PID1: variants seen among roughly 807,000 people sequenced by gnomAD.
The protein encoded by PID1 is phosphotyrosine interaction domain containing 1.
PID1 carries 10 observed loss-of-function variants against 19.1 expected under a neutral mutation model. The observed-to-expected ratio is 0.52, with a 90% CI of 0.32 to 0.89. PID1 has a LOEUF of 0.89. Among genes scored for constraint, PID1 ranks in the 40% least tolerant of loss-of-function variants. The pLI is 0.03. For missense variants in PID1, 248 were observed against 285.3 expected, an observed-to-expected ratio of 0.87 and a Z score of 0.94; for synonymous variants, 130 against 116.0, an observed-to-expected ratio of 1.12 and a Z score of -0.78.
intron 1 of PID1, among the ~76,000 whole-genome samples, chr2:229,254,229 C>CA (rs1440513805): frequency 6.6e-6 from 1 of 152,016 alleles, no homozygotes; most frequent in African/African-American, 2.4e-5. Context: ...TTCCCCAAAG[C>CA]AAAATCAGGG....
chr2:229,075,436 C>T (rs1694538381), intron 2 of PID1, among the ~76,000 whole-genome samples: 1 of 152,202 alleles, frequency 6.6e-6, no homozygotes, highest in Non-Finnish European at 1.5e-5. Flanking sequence ...ATGCCCACCA[C>T]ATATCAGTGA....
chr2:229,109,157 T>C (rs1280955244), intron 2 of PID1, among the ~76,000 whole-genome samples: 1 of 152,198 alleles, frequency 6.6e-6, no homozygotes, highest in Non-Finnish European at 1.5e-5. Flanking sequence ...AGACATTTTC[T>C]GCTGAAAAAC....
intron 2 of PID1, among the ~76,000 whole-genome samples, chr2:229,026,451 C>T (rs1030215931): frequency 2.6e-5 from 4 of 152,142 alleles, no homozygotes; most frequent in Non-Finnish European, 4.4e-5. Flanking sequence ...CATAAAGTCA[C>T]TCAAAGTTTA....
intron 1 of PID1, among the ~76,000 whole-genome samples, chr2:229,221,231 T>C (rs1157191471): frequency 6.6e-6 from 1 of 152,206 alleles, no homozygotes; most frequent in Non-Finnish European, 1.5e-5. Flanking sequence ...GTATCAGGCA[T>C]AGTGGGATAG....
chr2:229,058,825 C>T (rs1694155843), intron 2 of PID1, among the ~76,000 whole-genome samples: 1 of 150,578 alleles, frequency 6.6e-6, no homozygotes, highest in South Asian at 2.1e-4. Context: ...ATTTGTCAAC[C>T]ATGAAATATG....
chr2:229,111,222 G>C (rs919319300), intron 2 of PID1, among the ~76,000 whole-genome samples: 1 of 152,114 alleles, frequency 6.6e-6, no homozygotes, highest in Non-Finnish European at 1.5e-5. Context: ...TTAGCAGTGA[G>C]AATGGACTAA....
chr2:229,148,305 C>T (rs974216913), intron 2 of PID1, among the ~76,000 whole-genome samples: 11 of 152,174 alleles, frequency 7.2e-5, no homozygotes, highest in South Asian at 2.1e-4. Context: ...TATCCTTCCG[C>T]GCTAGGTACA....
chr2:229,135,144 G>T (rs1202445667), intron 2 of PID1, among the ~76,000 whole-genome samples: 5 of 152,170 alleles, frequency 3.3e-5, no homozygotes, highest in Admixed American at 2.0e-4. Context: ...TCTTGTCTCA[G>T]TAGAGGCTAA....
intron 2 of PID1, among the ~76,000 whole-genome samples, chr2:229,145,846 A>T (rs923538459): frequency 9.9e-5 from 15 of 152,172 alleles, no homozygotes; most frequent in Non-Finnish European, 2.2e-4. Flanking sequence ...GTGTAAAAAA[A>T]CCTATATTCT....
At chr2:229,153,345 GC>G (rs762898633) in intron 2 of PID1, among the ~76,000 whole-genome samples, 3 of 152,182 alleles carry the variant, frequency 2.0e-5, no homozygotes, top group Admixed American at 6.5e-5. Context: ...AGAGGTGTTG[GC>G]CCAGATTCCT....
intron 2 of PID1, among the ~76,000 whole-genome samples, chr2:229,055,185 G>A (rs1405686801): frequency 6.6e-6 from 1 of 152,158 alleles, no homozygotes; most frequent in South Asian, 2.1e-4. Flanking sequence ...AAACATGCAT[G>A]GGTGCCTGAT....
At chr2:229,200,508 C>T (rs1574716048) in intron 1 of PID1, among the ~76,000 whole-genome samples, 1 of 151,936 alleles carries the variant, frequency 6.6e-6, no homozygotes, top group Non-Finnish European at 1.5e-5. Flanking sequence ...ATCATATATC[C>T]CACGGTAGCA....
At chr2:229,252,581 T>C (rs972755314) in intron 1 of PID1, among the ~76,000 whole-genome samples, 16 of 152,162 alleles carry the variant, frequency 1.1e-4, no homozygotes, top group African/African-American at 3.6e-4. Context: ...GCTTGAGCTA[T>C]TTACCATTAA....
Position 229,179,643 on chromosome 2 carries a change from T to C in PID1, c.31-23679A>G, listed in dbSNP as rs563641250. On this transcript the variant is annotated intron_variant, in intron 1 of 2. Transcript: ENST00000392055. ...GCATATGCCCTTTAATGCAAGATTA[T>C]AATAAAACCCAATCATGCAAGATTC... 3.2e-4 allele frequency among the ~76,000 whole-genome samples: 48 copies of C among 152,258 alleles called. No homozygotes were observed. The South Asian group carries it at 8.9e-3, about 28-fold the overall frequency.
chr2:229,155,784 C>T lies in PID1; in HGVS notation c.177+34G>A, dbSNP rs201980016. On this transcript the variant is annotated intron_variant, in intron 2 of 2. Transcript: ENST00000392055. ...CCCACACATCTTTGAGGCTATCTCA[C>T]CAAGAGAACCCCTGCTGGCCACGTG... The T allele has an allele frequency of 1.6e-4, 260 of 1,578,092 alleles. 1 individual carries two copies. Among genetic ancestry groups the T allele is most frequent in the Middle Eastern group, 2.2e-4 (1 of 4,586 alleles).
At chr2:229,042,996 G>A (rs1693803133) in intron 2 of PID1, among the ~76,000 whole-genome samples, 1 of 140,636 alleles carries the variant, frequency 7.1e-6, no homozygotes, top group Non-Finnish European at 1.5e-5. Flanking sequence ...AGAGAGAGAG[G>A]AGAAAGGGAG....
chr2:229,121,989 C>T (rs948585561), intron 2 of PID1, among the ~76,000 whole-genome samples: 1 of 151,652 alleles, frequency 6.6e-6, no homozygotes, highest in Non-Finnish European at 1.5e-5. Flanking sequence ...AAGAAGTCTG[C>T]GAAAAAAGTC....
chr2:229,183,681 C>T (rs7561887), intron 1 of PID1, among the ~76,000 whole-genome samples: 135,379 of 151,910 alleles, frequency 0.89, 60,465 homozygotes, highest in African/African-American at 0.94. Context: ...GTTTTGAGAC[C>T]GCTGGCTTTT....
At chr2:229,120,201 G>T (rs1404433678) in intron 2 of PID1, among the ~76,000 whole-genome samples, 1 of 152,058 alleles carries the variant, frequency 6.6e-6, no homozygotes, top group Non-Finnish European at 1.5e-5. Context: ...AAGCCCCCAT[G>T]CAGTCAAAAA....
Sources: gnomAD v4.1 joint callset for allele counts (sites outside exome capture counted in the v4.1 genomes callset) on GRCh38, gnomAD v4.1.1 for gene constraint, MANE v1.5 for transcripts, NCBI Gene and HGNC (gene_info 2026-07-23, HGNC 2026-07-21) for gene names.